OCA2: variants seen among roughly 807,000 people sequenced by gnomAD.
The protein encoded by OCA2 is OCA2 melanosomal transmembrane protein.
In OCA2, 77 loss-of-function variants were observed where a neutral mutation model predicts 100.2. The ratio of observed to expected loss-of-function variants is 0.77; its 90% CI spans 0.64 to 0.93. The LOEUF is 0.93. OCA2 is among the 40% of genes least tolerant of loss of function. The pLI is 0.00. For missense variants in OCA2, 1,062 were observed against 1,089.1 expected (o/e 0.98, Z 0.35); for synonymous variants, 432 against 439.2 (o/e 0.98, Z 0.21).
chr15:28,035,557 T>G (rs1477132891), intron 2 of OCA2, among the ~76,000 whole-genome samples: 2 of 152,198 alleles, frequency 1.3e-5, no homozygotes, highest in African/African-American at 4.8e-5. Flanking sequence ...TCCACAAAGC[T>G]GAAAGCCCAA....
intron 2 of OCA2, among the ~76,000 whole-genome samples, chr15:28,078,951 C>A (rs949781826): frequency 1.3e-5 from 2 of 152,152 alleles, no homozygotes; most frequent in Non-Finnish European, 2.9e-5. Flanking sequence ...GAAATTGCAC[C>A]TGAGCTGCCT....
At chr15:27,799,753 A>AG (rs1166129246) in intron 23 of OCA2, among the ~76,000 whole-genome samples, 3 of 116,800 alleles carry the variant, frequency 2.6e-5, no homozygotes, top group African/African-American at 9.2e-5. Flanking sequence ...TAAAAAAAAA[A>AG]AAAAAAACTT....
chr15:27,739,225 C>T, the OCA2 span, among the ~76,000 whole-genome samples: 2 of 152,162 alleles, frequency 1.3e-5, no homozygotes, highest in Non-Finnish European at 2.9e-5. Flanking sequence ...CAGGCTGCAG[C>T]ATCCTTTAAG....
At chr15:28,094,552 G>A (rs1393626308) in intron 1 of OCA2, among the ~76,000 whole-genome samples, 1 of 152,118 alleles carries the variant, frequency 6.6e-6, no homozygotes, top group Non-Finnish European at 1.5e-5. Context: ...ATAGATAGTT[G>A]TGGCTTATTT....
chr15:27,776,968 G>A (rs949122918), intron 23 of OCA2, among the ~76,000 whole-genome samples: 3 of 142,576 alleles, frequency 2.1e-5, no homozygotes, highest in Non-Finnish European at 4.6e-5. Flanking sequence ...GGCGGGGAGC[G>A]TGAGGTGGGG....
rs1488616730 is a variant in OCA2, at chr15:27,755,298, C to T, written c.*90G>A. On this transcript the variant is annotated 3_prime_UTR_variant, in exon 24 of 24. Transcript: ENST00000354638. The stretch of plus-strand genomic sequence containing the variant: ...ATCTCCAGGGTAAGCACCTTTTCTT[C>T]TTCAAACAGTGGGGTCAGGGTAGTT... 4 of 941,820 alleles carry T rather than the reference C, an allele frequency of 4.2e-6. No individual in the cohort carries two copies. Among genetic ancestry groups the T allele is most frequent in the Non-Finnish European group, 6.9e-6 (4 of 578,410 alleles). 58.3% of individuals were successfully genotyped at this position (941,820 alleles called of 1,614,324 possible). A position where few individuals can be genotyped will look rare whatever the true frequency, so the allele number is the denominator to read the frequency against.
At chr15:27,830,407 C>T (rs775744652) in intron 23 of OCA2, among the ~76,000 whole-genome samples, 2 of 152,020 alleles carry the variant, frequency 1.3e-5, no homozygotes, top group Non-Finnish European at 2.9e-5. Context: ...TCCAAATGTT[C>T]ACTTTTAAAA....
intron 23 of OCA2, among the ~76,000 whole-genome samples, chr15:27,819,739 A>G (rs1242054014): frequency 6.6e-6 from 1 of 152,140 alleles, no homozygotes; most frequent in Non-Finnish European, 1.5e-5. Flanking sequence ...TATACAAACT[A>G]GTATATACAC....
At chr15:27,950,370 A>C in intron 18 of OCA2, 2 of 292,488 alleles carry the variant, frequency 6.8e-6, no homozygotes, top group Non-Finnish European at 1.4e-5. Flanking sequence ...TAATGTTAAA[A>C]TTACATTAGG....
chr15:27,972,277 C>T (rs979530093), intron 14 of OCA2, among the ~76,000 whole-genome samples: 3 of 152,156 alleles, frequency 2.0e-5, no homozygotes, highest in Non-Finnish European at 4.4e-5. Flanking sequence ...GAGTCCATAT[C>T]TCTGCAGTTG....
intron 19 of OCA2, among the ~76,000 whole-genome samples, chr15:27,922,399 C>A (rs2038889621): frequency 6.6e-6 from 1 of 152,236 alleles, no homozygotes; most frequent in Non-Finnish European, 1.5e-5. Flanking sequence ...GATCCTCACT[C>A]ACTGCAATGG....
intron 23 of OCA2, among the ~76,000 whole-genome samples, chr15:27,796,453 A>G (rs937413393): frequency 3.9e-5 from 6 of 152,260 alleles, no homozygotes; most frequent in African/African-American, 1.4e-4. Context: ...GGCACTCAGC[A>G]TCATGCCAGG....
intron 23 of OCA2, among the ~76,000 whole-genome samples, chr15:27,823,916 G>A (rs903090630): frequency 1.3e-5 from 2 of 152,184 alleles, no homozygotes; most frequent in African/African-American, 4.8e-5. Flanking sequence ...ATAAGAATGT[G>A]AATTATATAT....
At chr15:27,804,572 A>G (rs1595439206) in intron 23 of OCA2, among the ~76,000 whole-genome samples, 1 of 152,220 alleles carries the variant, frequency 6.6e-6, no homozygotes, top group South Asian at 2.1e-4. Context: ...TTCATTATTT[A>G]CACTGTAGTT....
chr15:27,826,885 T>C (rs2034745838), intron 23 of OCA2, among the ~76,000 whole-genome samples: 1 of 152,262 alleles, frequency 6.6e-6, no homozygotes, highest in Non-Finnish European at 1.5e-5. Flanking sequence ...CCAAACTTAT[T>C]TGAAAGCACA....
chr15:28,011,765 A>C (rs545739763), intron 9 of OCA2, among the ~76,000 whole-genome samples: 1 of 152,072 alleles, frequency 6.6e-6, no homozygotes, highest in Non-Finnish European at 1.5e-5. Context: ...AAAATACAAA[A>C]AAATTAGTCA....
At chr15:28,070,711 G>A (rs2044231611) in intron 2 of OCA2, among the ~76,000 whole-genome samples, 2 of 149,686 alleles carry the variant, frequency 1.3e-5, no homozygotes, top group South Asian at 4.3e-4. Flanking sequence ...GCGGCTTTGT[G>A]GAATAGAAAG....
downstream of OCA2, among the ~76,000 whole-genome samples, chr15:27,754,322 A>G (rs957071497): frequency 6.6e-6 from 1 of 152,220 alleles, no homozygotes; most frequent in African/African-American, 2.4e-5. Flanking sequence ...ATGGGACCAG[A>G]AAGGTCTCCT....
chr15:27,774,384 G>T lies in OCA2; in HGVS notation c.2433-18912C>A, dbSNP rs141695436. On this transcript the variant is annotated intron_variant, in intron 23 of 23. Transcript: ENST00000354638. ...CGTTCTGCACTGAGAGCCTCCTGCTGTGCCTGGCCACCCAGCATCATTGAG... is the reference window on the plus strand; with the variant it reads ...CGTTCTGCACTGAGAGCCTCCTGCTTTGCCTGGCCACCCAGCATCATTGAG... Among the ~76,000 whole-genome samples the T allele has an allele frequency of 2.1e-3, 327 of 152,372 alleles. 1 individual carries two copies. The highest frequency in any genetic ancestry group is 7.6e-3 in the African/African-American group (318 of 41,592).
Sources: gnomAD v4.1 joint callset for allele counts (sites outside exome capture counted in the v4.1 genomes callset) on GRCh38, gnomAD v4.1.1 for gene constraint, MANE v1.5 for transcripts, NCBI Gene and HGNC (gene_info 2026-07-23, HGNC 2026-07-21) for gene names.